The following DNER variants were observed in gnomAD, a reference collection of about 807,000 sequenced individuals.
DNER encodes delta/notch like EGF repeat containing, also known as delta and Notch-like epidermal growth factor-related receptor.
DNER carries 33 observed loss-of-function variants against 78.2 expected under a neutral mutation model. The observed-to-expected ratio is 0.42, with a 90% confidence interval of 0.32 to 0.56. DNER has a LOEUF of 0.56. DNER is among the 20% of genes least tolerant of loss of function. The probability of loss-of-function intolerance (pLI) is 0.11; values close to 1 mark genes in which losing one functional copy is unlikely to be tolerated. For synonymous variants in DNER, 417 were observed against 384.8 expected, an observed-to-expected ratio of 1.08 and a Z score of -0.98; for missense variants, 918 against 975.3, an observed-to-expected ratio of 0.94 and a Z score of 0.78.
At chr2:229,455,093 C>A (rs1190363482) in intron 7 of DNER, among the ~76,000 whole-genome samples, 3 of 152,034 alleles carry the variant, frequency 2.0e-5, no homozygotes, top group African/African-American at 7.3e-5. Context: ...ATTGCTTTAA[C>A]GAGTAAATTC....
At chr2:229,436,956 T>G (rs1387752981) in intron 8 of DNER, among the ~76,000 whole-genome samples, 1 of 152,186 alleles carries the variant, frequency 6.6e-6, no homozygotes, top group African/African-American at 2.4e-5. Flanking sequence ...AATACTAACC[T>G]TGAATGTAAA....
At chr2:229,484,431 C>T (rs1199529693) in intron 6 of DNER, among the ~76,000 whole-genome samples, 1 of 152,212 alleles carries the variant, frequency 6.6e-6, no homozygotes, top group Non-Finnish European at 1.5e-5. Flanking sequence ...GAGCATCATG[C>T]TACCCCTCTT....
At chr2:229,607,350 A>G (rs1227381618) in intron 1 of DNER, among the ~76,000 whole-genome samples, 1 of 152,170 alleles carries the variant, frequency 6.6e-6, no homozygotes. Flanking sequence ...TAATCCATTT[A>G]ATCTTCACTA....
chr2:229,652,043 C>T (rs1175775012), intron 1 of DNER, among the ~76,000 whole-genome samples: 1 of 151,990 alleles, frequency 6.6e-6, no homozygotes, highest in Non-Finnish European at 1.5e-5. Flanking sequence ...ATTACTGTAG[C>T]ATTTCAAAAA....
At chr2:229,563,054 TCAA>T (rs1482500458) in intron 4 of DNER, among the ~76,000 whole-genome samples, 7 of 149,910 alleles carry the variant, frequency 4.7e-5, no homozygotes, top group African/African-American at 1.2e-4. Context: ...ACCAACATCA[TCAA>T]CATCATCCTC....
At chr2:229,574,334 A>G (rs1430376339) in intron 4 of DNER, among the ~76,000 whole-genome samples, 1 of 152,218 alleles carries the variant, frequency 6.6e-6, no homozygotes, top group Non-Finnish European at 1.5e-5. Flanking sequence ...GGAAGAAAGA[A>G]AGGAAGGAAC....
intron 10 of DNER, among the ~76,000 whole-genome samples, chr2:229,398,408 C>A (rs1006517596): frequency 5.3e-5 from 8 of 152,096 alleles, no homozygotes; most frequent in Non-Finnish European, 7.4e-5. Flanking sequence ...CTGGTAAATT[C>A]TATCAACTAT....
At chr2:229,531,184 A>G (rs1696293164) in intron 5 of DNER, among the ~76,000 whole-genome samples, 1 of 152,208 alleles carries the variant, frequency 6.6e-6, no homozygotes, top group South Asian at 2.1e-4. Flanking sequence ...TCAAGGCAGC[A>G]CAGGCAAACT....
At chr2:229,567,036 A>G (rs942122454) in intron 4 of DNER, among the ~76,000 whole-genome samples, 1 of 152,148 alleles carries the variant, frequency 6.6e-6, no homozygotes, top group African/African-American at 2.4e-5. Flanking sequence ...CTCCAGCCTC[A>G]TGCTTTGTTG....
intron 1 of DNER, among the ~76,000 whole-genome samples, chr2:229,620,207 G>C (rs187261706): frequency 6.6e-6 from 1 of 152,242 alleles, no homozygotes; most frequent in African/African-American, 2.4e-5. Context: ...AGAGAGCATC[G>C]CTCCCGAGAG....
At chr2:229,520,182 G>A (rs1169800648) in intron 5 of DNER, among the ~76,000 whole-genome samples, 3 of 152,150 alleles carry the variant, frequency 2.0e-5, no homozygotes, top group East Asian at 1.9e-4. Flanking sequence ...GTAGTCTTGC[G>A]GGAGAGTTCT....
At chr2:229,515,273 T>C (rs1027001773) in intron 5 of DNER, among the ~76,000 whole-genome samples, 2 of 152,330 alleles carry the variant, frequency 1.3e-5, no homozygotes, top group South Asian at 4.1e-4. Context: ...CTAAGGACAA[T>C]CTTGTCCTTG....
intron 4 of DNER, among the ~76,000 whole-genome samples, chr2:229,562,289 C>A (rs1370968855): frequency 1.3e-5 from 2 of 152,108 alleles, no homozygotes; most frequent in Non-Finnish European, 2.9e-5. Context: ...AATACTAACT[C>A]CATCACATCC....
chr2:229,510,775 G>C (rs1695850765), intron 6 of DNER, among the ~76,000 whole-genome samples: 2 of 152,118 alleles, frequency 1.3e-5, no homozygotes, highest in African/African-American at 2.4e-5. Context: ...CTGGAGGGGA[G>C]CCTCACCTGG....
intron 1 of DNER, among the ~76,000 whole-genome samples, chr2:229,648,504 C>A (rs1275283690): frequency 6.6e-6 from 1 of 152,196 alleles, no homozygotes; most frequent in Non-Finnish European, 1.5e-5. Flanking sequence ...TAACTGTTCG[C>A]TTTTTGTACC....
intron 7 of DNER, among the ~76,000 whole-genome samples, chr2:229,449,685 C>G (rs540287196): frequency 6.6e-6 from 1 of 152,288 alleles, no homozygotes; most frequent in South Asian, 2.1e-4. Context: ...AAATTCCATA[C>G]CCAAGGCTGG....
At chr2:229,673,982 C>T (rs1699255655) in intron 1 of DNER, among the ~76,000 whole-genome samples, 1 of 152,244 alleles carries the variant, frequency 6.6e-6, no homozygotes, top group African/African-American at 2.4e-5. Context: ...CCCGCTGCTC[C>T]TTGCAGGTCA....
chr2:229,676,743 G>GTATTT (rs1559205451), intron 1 of DNER, among the ~76,000 whole-genome samples: 1 of 152,108 alleles, frequency 6.6e-6, no homozygotes, highest in Non-Finnish European at 1.5e-5. Flanking sequence ...TTTTTATTTT[G>GTATTT]TATTTTATTT....
At chr2:229,700,155 CAA>C (rs1273645269) in intron 1 of DNER, among the ~76,000 whole-genome samples, 2 of 151,184 alleles carry the variant, frequency 1.3e-5, no homozygotes, top group African/African-American at 4.9e-5. Context: ...TCAGTTAACA[CAA>C]AAAAAATGGG....
Sources: allele counts gnomAD v4.1 joint callset (sites outside exome capture counted in the v4.1 genomes callset), GRCh38; gene constraint gnomAD v4.1.1; transcripts MANE v1.5; gene names NCBI Gene and HGNC (gene_info 2026-07-23, HGNC 2026-07-21).